Variants in GADL1 observed in about 807,000 individuals in gnomAD.
GADL1 encodes GAD like acidic amino acid decarboxylase 1, also known as acidic amino acid decarboxylase GADL1.
A neutral mutation model predicts 69.5 loss-of-function variants in GADL1; 71 were observed. The observed-to-expected ratio is 1.02, with a 90% CI of 0.84 to 1.25. GADL1 has a LOEUF of 1.25. Ranked by LOEUF, GADL1 falls within the 50% of genes most tolerant of loss-of-function variation. The pLI is 0.00. For missense variants in GADL1, 737 were observed against 631.8 expected (o/e 1.17, Z -1.79); for synonymous variants, 254 against 214.4 (o/e 1.18, Z -1.62).
At chr3:30,860,600 G>C (rs1448342442) in intron 2 of GADL1, among the ~76,000 whole-genome samples, 1 of 151,886 alleles carries the variant, frequency 6.6e-6, no homozygotes, top group African/African-American at 2.4e-5. Context: ...TTTCCGAAAG[G>C]CATGTGATCA....
intron 11 of GADL1, among the ~76,000 whole-genome samples, chr3:30,806,004 C>T (rs1489078086): frequency 6.6e-6 from 1 of 151,960 alleles, no homozygotes; most frequent in African/African-American, 2.4e-5. Flanking sequence ...ACCTACCACT[C>T]ACCTCCTGCT....
chr3:30,765,022 C>A (rs1224882499), intron 14 of GADL1, among the ~76,000 whole-genome samples: 1 of 140,768 alleles, frequency 7.1e-6, no homozygotes, highest in Non-Finnish European at 1.6e-5. Flanking sequence ...TCTGTAGTCA[C>A]AACTGCAAAT....
chr3:30,751,753 G>C (rs887141816), intron 14 of GADL1, among the ~76,000 whole-genome samples: 1 of 152,124 alleles, frequency 6.6e-6, no homozygotes, highest in African/African-American at 2.4e-5. Context: ...TTTCTGCTGC[G>C]CTGGTGCCCC....
intron 11 of GADL1, among the ~76,000 whole-genome samples, chr3:30,825,812 A>C (rs1167559654): frequency 6.6e-6 from 1 of 151,894 alleles, no homozygotes; most frequent in African/African-American, 2.4e-5. Flanking sequence ...TACAACAAAT[A>C]CCTAACACAT....
intron 14 of GADL1, among the ~76,000 whole-genome samples, chr3:30,736,430 C>G (rs1695542471): frequency 6.6e-6 from 1 of 152,048 alleles, no homozygotes; most frequent in Admixed American, 6.6e-5. Context: ...AATGAGAACA[C>G]AATAAGCATA....
At chr3:30,762,674 T>A (rs1046742889) in intron 14 of GADL1, among the ~76,000 whole-genome samples, 3 of 152,200 alleles carry the variant, frequency 2.0e-5, no homozygotes, top group Admixed American at 6.5e-5. Flanking sequence ...GAATAGTCAC[T>A]CTATTGTGCA....
intron 12 of GADL1, among the ~76,000 whole-genome samples, chr3:30,797,519 T>C (rs1280178980): frequency 6.6e-6 from 1 of 152,178 alleles, no homozygotes; most frequent in African/African-American, 2.4e-5. Context: ...GAGATACGTG[T>C]TATTATCACT....
At chr3:30,842,103 C>T (rs977229027) in intron 8 of GADL1, among the ~76,000 whole-genome samples, 1 of 152,142 alleles carries the variant, frequency 6.6e-6, no homozygotes, top group Admixed American at 6.5e-5. Flanking sequence ...AGCTATAGAT[C>T]AGAAAACATT....
chr3:30,798,789 G>A (rs1646481430), intron 12 of GADL1: 1 of 152,180 alleles, frequency 6.6e-6, no homozygotes, highest in Admixed American at 6.5e-5. Flanking sequence ...TAACTTCCTA[G>A]ATACAATGGG....
intron 14 of GADL1, among the ~76,000 whole-genome samples, chr3:30,772,398 A>C (rs943957810): frequency 6.6e-6 from 1 of 152,236 alleles, no homozygotes; most frequent in African/African-American, 2.4e-5. Flanking sequence ...CTACATCAGA[A>C]TACTGAGTAA....
intron 14 of GADL1, among the ~76,000 whole-genome samples, chr3:30,755,826 T>TTTC (rs1466656965): frequency 6.6e-6 from 1 of 151,586 alleles, no homozygotes; most frequent in African/African-American, 2.4e-5. Context: ...CAAAGGTACT[T>TTTC]TTTTTCCTAC....
At chr3:30,780,284 A>G (rs1015139304) in intron 13 of GADL1, among the ~76,000 whole-genome samples, 1 of 152,126 alleles carries the variant, frequency 6.6e-6, no homozygotes, top group African/African-American at 2.4e-5. Flanking sequence ...TCTAGTGAGT[A>G]CCACCAATGT....
At chr3:30,875,783 C>T (rs951494106) in intron 1 of GADL1, among the ~76,000 whole-genome samples, 1 of 151,806 alleles carries the variant, frequency 6.6e-6, no homozygotes, top group Non-Finnish European at 1.5e-5. Flanking sequence ...AAGTCAAATG[C>T]CGTGATGGGT....
rs1158771464 is a variant in GADL1 at position 30,844,193 on chromosome 3, G to A, written c.786+17C>T. 6 of 1,603,326 alleles carry A rather than the reference G, an allele frequency of 3.7e-6. No individual in the cohort carries two copies. The highest frequency in any genetic ancestry group is 2.2e-5 in the East Asian group (1 of 44,798). ...CACACACACGTTCTCTCTCCCTCTC[G>A]CTTTCTCCCCTCTCACCTCTTTTCT... is the stretch of plus-strand genomic sequence containing the variant. On this transcript the variant is annotated intron_variant, in intron 8 of 14. Transcript: ENST00000282538.
intron 12 of GADL1, among the ~76,000 whole-genome samples, chr3:30,791,405 C>A (rs1402580162): frequency 6.6e-6 from 1 of 152,144 alleles, no homozygotes; most frequent in Non-Finnish European, 1.5e-5. Flanking sequence ...CTTTGTGAGT[C>A]TAGGCAAATT....
intron 1 of GADL1, among the ~76,000 whole-genome samples, chr3:30,871,203 G>A (rs1251702490): frequency 6.6e-6 from 1 of 151,604 alleles, no homozygotes; most frequent in Non-Finnish European, 1.5e-5. Flanking sequence ...GAGGAGTTCA[G>A]CTGTTACTTA....
intron 12 of GADL1, among the ~76,000 whole-genome samples, chr3:30,793,339 AC>A (rs1465158391): frequency 2.0e-5 from 3 of 152,048 alleles, no homozygotes; most frequent in Non-Finnish European, 4.4e-5. Flanking sequence ...ATTCCTCGTA[AC>A]TTTTTTTTCA....
intron 1 of GADL1, among the ~76,000 whole-genome samples, chr3:30,872,194 A>G (rs1195310443): frequency 6.6e-6 from 1 of 151,892 alleles, no homozygotes; most frequent in East Asian, 1.9e-4. Context: ...TTGACTTAAC[A>G]TAGCCATTTA....
chr3:30,730,196 T>A (rs947466843), intron 14 of GADL1, among the ~76,000 whole-genome samples: 1 of 152,184 alleles, frequency 6.6e-6, no homozygotes, highest in East Asian at 1.9e-4. Flanking sequence ...ACATATCTGC[T>A]TCAAACCCAT....
Sources: allele counts gnomAD v4.1 joint callset (sites outside exome capture counted in the v4.1 genomes callset), GRCh38; gene constraint gnomAD v4.1.1; transcripts MANE v1.5; gene names NCBI Gene and HGNC (gene_info 2026-07-23, HGNC 2026-07-21).